Variants in RFX1 observed in about 807,000 individuals in gnomAD.
RFX1 encodes regulatory factor X1.
RFX1 carries 42 observed loss-of-function variants against 119.6 expected under a neutral mutation model. The ratio of observed to expected loss-of-function variants is 0.35; its 90% CI spans 0.27 to 0.45. The LOEUF (loss-of-function observed/expected upper bound fraction) is 0.45, where lower values mean the gene tolerates loss of function less well. Ranked by LOEUF, RFX1 falls within the 20% of genes least tolerant of loss-of-function variation. The pLI is 1.00. For missense variants in RFX1, 1,118 were observed against 1,368.1 expected (o/e 0.82, Z 2.88); for synonymous variants, 628 against 618.5 (o/e 1.02, Z -0.23).
chr19:14,002,922 C>T (rs548853400), intron 1 of RFX1, among the ~76,000 whole-genome samples: 1 of 152,332 alleles, frequency 6.6e-6, no homozygotes, highest in Non-Finnish European at 1.5e-5. Flanking sequence ...ATGTCCACAT[C>T]CCCGCTCACC....
chr19:13,972,402 C>T (rs532807741), intron 9 of RFX1, among the ~76,000 whole-genome samples: 4 of 152,168 alleles, frequency 2.6e-5, no homozygotes, highest in Admixed American at 6.5e-5. Flanking sequence ...CCATGTTGGT[C>T]GGGCTGGTCT....
chr19:13,962,270 C>T lies in RFX1; in HGVS notation c.*425G>A, dbSNP rs1264685319. On this transcript the variant is annotated 3_prime_UTR_variant, in exon 21 of 21. Transcript: ENST00000254325. The stretch of plus-strand genomic sequence containing the variant: ...CAGGTGACGCCCACCTGCGCCGGCC[C>T]GGGGCTCAGGGCTGGGCCCAGGACA... The T allele has an allele frequency of 2.3e-5, 4 of 176,346 alleles. No homozygotes were observed. Among genetic ancestry groups the T allele is most frequent in the East Asian group, 1.7e-4 (1 of 5,798 alleles). The allele number at this position is 176,346 out of a possible 1,614,324, so 10.9% of individuals were successfully genotyped here. A position where few individuals can be genotyped will look rare whatever the true frequency, so the allele number is the denominator to read the frequency against.
rs1206419839 is a variant in RFX1, at chr19:13,962,659, G to A, written c.*36C>T. 2 of 1,475,370 alleles carry A rather than the reference G, an allele frequency of 1.4e-6. No individual in the cohort carries two copies. The highest frequency in any genetic ancestry group is 2.2e-5 in the Admixed American group (1 of 46,032). 91.4% of individuals were successfully genotyped at this position (1,475,370 alleles called of 1,614,324 possible). ...GCTTTGAGGGACCCTGGCGTGGAGG[G>A]GTGGCGGGGGCGGGTGGGGCGGGGA... On this transcript the variant is annotated 3_prime_UTR_variant, in exon 21 of 21. Transcript: ENST00000254325.
At chr19:13,974,463 G>A (rs780210279) in intron 8 of RFX1, among the ~76,000 whole-genome samples, 2 of 152,176 alleles carry the variant, frequency 1.3e-5, no homozygotes, top group Non-Finnish European at 2.9e-5. Flanking sequence ...TTAAACAAAA[G>A]ATGATGGAAT....
chr19:13,964,230 C>G (rs1292958981), intron 16 of RFX1, among the ~76,000 whole-genome samples: 1 of 152,190 alleles, frequency 6.6e-6, no homozygotes, highest in Admixed American at 6.5e-5. Flanking sequence ...CTGACCAGGG[C>G]ACAATATTCT....
chr19:13,972,254 T>C (rs968233943), intron 9 of RFX1, among the ~76,000 whole-genome samples: 13 of 144,782 alleles, frequency 9.0e-5, no homozygotes, highest in Admixed American at 7.9e-4. Flanking sequence ...TTGAGTGCGG[T>C]GGCGCAGTCT....
chr19:13,984,154 TACTC>T (rs1239757764), intron 2 of RFX1, among the ~76,000 whole-genome samples: 1 of 150,120 alleles, frequency 6.7e-6, no homozygotes, highest in Non-Finnish European at 1.5e-5. Context: ...GGGAGGCAGG[TACTC>T]ACGCTGACAG....
intron 1 of RFX1, 92 bp from the exon 2 acceptor site, chr19:13,993,987 G>T (rs576851742): frequency 3.5e-4 from 270 of 765,038 alleles, no homozygotes; most frequent in South Asian, 5.0e-4. Flanking sequence ...AGAAAGCAGG[G>T]ACAGCTCTGG....
Position 13,966,386 on chromosome 19 carries a change from C to A in RFX1, c.1961+35G>T. 1.4e-6 allele frequency: 2 copies of A among 1,404,316 alleles called. No individual in the cohort carries two copies. The highest frequency in any genetic ancestry group is 2.0e-6 in the Non-Finnish European group (2 of 990,648). The allele number at this position is 1,404,316 out of a possible 1,614,324, so 87.0% of individuals were successfully genotyped here. The stretch of plus-strand genomic sequence containing the variant: ...CACCTGCGGGTCATGCCCTCCTCCC[C>A]CCTCTCCCTCCCACAGTCGCCGGGC... On this transcript the variant is annotated intron_variant, in intron 14 of 20. Transcript: ENST00000254325. The surrounding 1 kb of genome is among the most constrained non-coding windows in gnomAD (Gnocchi z 6.3).
In RFX1 at chr19:13,966,403, T is replaced by TC. The variant is rs1973897541; in HGVS notation, c.1961+17dup. On this transcript the variant is annotated intron_variant, in intron 14 of 20. Coordinates refer to ENST00000254325, the MANE Select transcript of RFX1 (RefSeq NM_002918.5). This position sits in a 1 kb window ranked among gnomAD's most constrained non-coding sequence, Gnocchi z 6.3. ...CTCCTCCCCCCTCTCCCTCCCACAGTCGCCGGGCAGTACTCACACAGCCAG... is the reference window on the plus strand; with the variant it reads ...CTCCTCCCCCCTCTCCCTCCCACAGTCCGCCGGGCAGTACTCACACAGCCAG... 1 of 1,547,938 alleles carries TC rather than the reference T, an allele frequency of 6.5e-7. No individual in the cohort carries two copies. The highest frequency in any genetic ancestry group is 8.9e-7 in the Non-Finnish European group (1 of 1,121,212).
At position 13,962,824 on chromosome 19, in the gene RFX1, C is replaced by T. The variant is rs1471503481; in HGVS notation, c.2811G>A (p.Leu937=). 2 of 1,529,328 alleles carry T rather than the reference C, an allele frequency of 1.3e-6. No individual in the cohort carries two copies. Among genetic ancestry groups the T allele is most frequent in the South Asian group, 2.4e-5 (2 of 82,808 alleles). The allele number at this position is 1,529,328 out of a possible 1,614,324, so 94.7% of individuals were successfully genotyped here. The change falls in exon 21 of 21, where the codon CTG becomes CTA. Residue 937 remains leucine, a synonymous_variant. Transcript: ENST00000254325. The stretch of plus-strand genomic sequence containing the variant: ...CAGCCGCCAGTGAGATGTCCTGCGG[C>T]AGCTCGTCCTCGCTCTCCTCCTCCT... ...EEEEEESEDE[L]PQDISLAAGG... is the part of the protein sequence containing the mutation.
At position 13,965,918 on chromosome 19, in the gene RFX1, A is replaced by G. The variant is rs1473051019; in HGVS notation, c.1962-141T>C. ...TTCTACCCCCAGCATCAGAAGGCACAGGTACCCCCTTACCCCCACTCCAGG... is the reference window on the plus strand; with the variant it reads ...TTCTACCCCCAGCATCAGAAGGCACGGGTACCCCCTTACCCCCACTCCAGG... On this transcript the variant is annotated intron_variant, in intron 14 of 20. Transcript: ENST00000254325. The surrounding 1 kb of genome is among the most constrained non-coding windows in gnomAD (Gnocchi z 4.7). The G allele has an allele frequency of 7.9e-6, 8 of 1,009,482 alleles. No homozygotes were observed. In the Admixed American group the frequency reaches 1.7e-4, roughly 21 times the overall value. 62.5% of individuals were successfully genotyped at this position (1,009,482 alleles called of 1,614,324 possible).
Position 13,962,475 on chromosome 19 carries a change from C to CT in RFX1, c.*219dup, listed in dbSNP as rs1040996147. 2.3e-5 allele frequency: 12 copies of CT among 530,946 alleles called. No individual in the cohort carries two copies. The Admixed American group carries it at 4.6e-4, about 21-fold the overall frequency. The allele number at this position is 530,946 out of a possible 1,614,324, so 32.9% of individuals were successfully genotyped here. On this transcript the variant is annotated 3_prime_UTR_variant, in exon 21 of 21. Transcript: ENST00000254325. ...GGGCACCTGGGCACGCGGCGGGTTCCTTAAGGCACGTCTTTTGTGTCAGAG... is the reference window on the plus strand; with the variant it reads ...GGGCACCTGGGCACGCGGCGGGTTCCTTTAAGGCACGTCTTTTGTGTCAGAG...
chr19:13,994,592 G>A (rs1974923638), intron 1 of RFX1, among the ~76,000 whole-genome samples: 1 of 151,660 alleles, frequency 6.6e-6, no homozygotes, highest in South Asian at 2.1e-4. Flanking sequence ...GTGCATGCCT[G>A]TAGTCCCAGC....
intron 4 of RFX1, 171 bp downstream of exon 4, chr19:13,983,016 C>T (rs1974476289): frequency 6.8e-6 from 4 of 589,820 alleles, no homozygotes; most frequent in African/African-American, 1.9e-5. Flanking sequence ...TGGCCCCTGC[C>T]GGATAGTCTC....
At chr19:14,004,033 C>T (rs1975296899) in intron 1 of RFX1, among the ~76,000 whole-genome samples, 2 of 152,224 alleles carry the variant, frequency 1.3e-5, no homozygotes, top group South Asian at 2.1e-4. Flanking sequence ...CTCAGCCTCC[C>T]GAGTAGCTGG....
At position 13,963,534 on chromosome 19, in the gene RFX1, G is replaced by C; in HGVS notation, c.2570+4C>G. The C allele has an allele frequency of 1.9e-6, 3 of 1,601,080 alleles. No homozygotes were observed. Among genetic ancestry groups the C allele is most frequent in the Non-Finnish European group, 2.5e-6 (3 of 1,177,878 alleles). ...GCCCGGACCCGATCCCGCCGCGCGCGCACCTGTAGAAGGACCACTTGAGGA... is the reference window on the plus strand; with the variant it reads ...GCCCGGACCCGATCCCGCCGCGCGCCCACCTGTAGAAGGACCACTTGAGGA... On this transcript the variant is annotated splice_donor_region_variant and intron_variant, in intron 18 of 20. Coordinates refer to ENST00000254325, the MANE Select transcript of RFX1 (RefSeq NM_002918.5).
rs1190703925 is a variant in RFX1, at chr19:13,969,182, C to T, written c.1497-288G>A. On this transcript the variant is annotated intron_variant, in intron 10 of 20. Transcript: ENST00000254325. This position sits in a 1 kb window ranked among gnomAD's most constrained non-coding sequence, Gnocchi z 4.5. ...AACCGAGACGTGAGCGGAGGTGAGC[C>T]ATGGGGGTTGCAAAGGAGAGGAAGA... 1.3e-5 allele frequency among the ~76,000 whole-genome samples: 2 copies of T among 152,084 alleles called. No homozygotes were observed. Among genetic ancestry groups the T allele is most frequent in the East Asian group, 3.8e-4 (2 of 5,200 alleles).
Position 13,969,729 on chromosome 19 carries a change from T to C in RFX1, c.1496+265A>G, listed in dbSNP as rs982654175. On this transcript the variant is annotated intron_variant, in intron 10 of 20. Transcript: ENST00000254325. This position sits in a 1 kb window ranked among gnomAD's most constrained non-coding sequence, Gnocchi z 4.5. ...AGAAAAATAAAGCAGGGTTGGGGGG[T>C]GTCGGGCAGGGGAGAGGGGGAGGCT... The C allele has an allele frequency of 2.6e-6, 1 of 384,878 alleles. No homozygotes were observed. Among genetic ancestry groups the C allele is most frequent in the Non-Finnish European group, 4.6e-6 (1 of 219,302 alleles). 23.8% of individuals were successfully genotyped at this position (384,878 alleles called of 1,614,324 possible). A position where few individuals can be genotyped will look rare whatever the true frequency, so the allele number is the denominator to read the frequency against.
Sources: allele counts gnomAD v4.1 joint callset (sites outside exome capture counted in the v4.1 genomes callset), GRCh38; gene constraint gnomAD v4.1.1; non-coding constraint Gnocchi (gnomAD v3.1); transcripts MANE v1.5; gene names NCBI Gene and HGNC (gene_info 2026-07-23, HGNC 2026-07-21).